The following HIBADH variants were observed in gnomAD, a reference collection of about 807,000 sequenced individuals.
HIBADH encodes 3-hydroxyisobutyrate dehydrogenase, also known as 3-hydroxyisobutyrate dehydrogenase, mitochondrial.
Under a neutral mutation model 36.1 loss-of-function variants are expected in HIBADH, and 25 were observed. The ratio of observed to expected loss-of-function variants is 0.69; its 90% CI spans 0.50 to 0.97. The LOEUF (loss-of-function observed/expected upper bound fraction) is 0.97, where lower values mean the gene tolerates loss of function less well. Among genes scored for constraint, HIBADH ranks in the 50% least tolerant of loss-of-function variants. The pLI is 0.00. For missense variants in HIBADH, 421 were observed against 418.0 expected, an observed-to-expected ratio of 1.01 and a Z score of -0.06; for synonymous variants, 160 against 149.5, an observed-to-expected ratio of 1.07 and a Z score of -0.51.
intron 2 of HIBADH, among the ~76,000 whole-genome samples, chr7:27,638,884 A>C (rs569072518): frequency 1.3e-5 from 2 of 152,348 alleles, no homozygotes; most frequent in Non-Finnish European, 2.9e-5. Context: ...TCAAAACCAC[A>C]ATGAGATACA....
intron 4 of HIBADH, among the ~76,000 whole-genome samples, chr7:27,548,107 G>C (rs543230021): frequency 6.6e-6 from 1 of 151,452 alleles, no homozygotes; most frequent in East Asian, 1.9e-4. Context: ...CACTTCTCGT[G>C]GTAGTCTGTT....
chr7:27,554,277 C>A (rs994225805), intron 4 of HIBADH, among the ~76,000 whole-genome samples: 4 of 152,206 alleles, frequency 2.6e-5, no homozygotes, highest in Non-Finnish European at 4.4e-5. Context: ...CGAGCCACCG[C>A]GCCCAGCCAA....
At position 27,603,801 on chromosome 7, in the gene HIBADH, C is replaced by T. The variant is rs188613243; in HGVS notation, c.484+25570G>A. Among the ~76,000 whole-genome samples, 653 of 152,204 alleles carry T rather than the reference C, an allele frequency of 4.3e-3. 7 individuals are homozygous for T. In the South Asian group the frequency reaches 0.044, roughly 10 times the overall value. ...ATTAAAAATAAGATATGCAAAGACT[C>T]CCCAGTGTGTGCAAATGATACCAAT... On this transcript the variant is annotated intron_variant, in intron 4 of 7. Coordinates refer to ENST00000265395, the MANE Select transcript of HIBADH (RefSeq NM_152740.4).
At chr7:27,550,991 A>C (rs886457869) in intron 4 of HIBADH, among the ~76,000 whole-genome samples, 1 of 150,086 alleles carries the variant, frequency 6.7e-6, no homozygotes, top group Admixed American at 6.7e-5. Flanking sequence ...ACCACACCAC[A>C]CCAAACACAC....
intron 1 of HIBADH, among the ~76,000 whole-genome samples, chr7:27,658,019 T>A (rs1306727792): frequency 6.6e-6 from 1 of 152,172 alleles, no homozygotes; most frequent in Non-Finnish European, 1.5e-5. Context: ...CTGCCCCTTT[T>A]TGCCTAGTGG....
Position 27,620,432 on chromosome 7 carries a change from C to G in HIBADH, c.484+8939G>C, listed in dbSNP as rs564467968. Among the ~76,000 whole-genome samples the G allele has an allele frequency of 2.0e-4, 31 of 151,802 alleles. No individual in the cohort carries two copies. The South Asian group carries it at 3.5e-3, about 17-fold the overall frequency. On this transcript the variant is annotated intron_variant, in intron 4 of 7. Coordinates refer to ENST00000265395, the MANE Select transcript of HIBADH (RefSeq NM_152740.4). ...GATTTATCGGCAGAAACTTTATAGA[C>G]CAGAAGAGAATAGGATGATATATTC...
chr7:27,562,510 G>A (rs1295954477), intron 4 of HIBADH, among the ~76,000 whole-genome samples: 1 of 151,946 alleles, frequency 6.6e-6, no homozygotes, highest in African/African-American at 2.4e-5. Flanking sequence ...CTTTAAAATT[G>A]AGACAGGATC....
intron 4 of HIBADH, among the ~76,000 whole-genome samples, chr7:27,562,309 G>A (rs944620905): frequency 6.6e-6 from 1 of 152,072 alleles, no homozygotes; most frequent in Non-Finnish European, 1.5e-5. Flanking sequence ...ATCTTTCATA[G>A]AACAGAAGAC....
intron 2 of HIBADH, among the ~76,000 whole-genome samples, chr7:27,637,897 A>G (rs1270420969): frequency 6.6e-6 from 1 of 152,202 alleles, no homozygotes; most frequent in South Asian, 2.1e-4. Context: ...AAAGATCTCT[A>G]TAACAAGAAT....
intron 1 of HIBADH, among the ~76,000 whole-genome samples, chr7:27,658,785 A>C (rs1325760039): frequency 6.6e-6 from 1 of 152,186 alleles, no homozygotes; most frequent in Non-Finnish European, 1.5e-5. Flanking sequence ...ATCACATAAT[A>C]CATTTTTTAT....
intron 4 of HIBADH, among the ~76,000 whole-genome samples, chr7:27,544,779 C>T (rs558916697): frequency 4.6e-5 from 7 of 152,248 alleles, no homozygotes; most frequent in South Asian, 2.1e-4. Context: ...TAAATAGCTT[C>T]GGAGTCATTT....
chr7:27,616,106 C>A (rs921423450), intron 4 of HIBADH, among the ~76,000 whole-genome samples: 8 of 152,098 alleles, frequency 5.3e-5, no homozygotes, highest in Non-Finnish European at 1.2e-4. Flanking sequence ...CTTCCTCTCA[C>A]GGCAGAAAGT....
chr7:27,574,299 A>AT (rs70994662), intron 4 of HIBADH, among the ~76,000 whole-genome samples: 105,077 of 149,984 alleles, frequency 0.7, 36,860 homozygotes, highest in East Asian at 0.94. Flanking sequence ...ATAGCAGGTG[A>AT]TTTTTTTTTT....
chr7:27,563,123 G>A lies in HIBADH; in HGVS notation c.485-20023C>T, dbSNP rs576300334. On this transcript the variant is annotated intron_variant, in intron 4 of 7. Coordinates refer to ENST00000265395, the MANE Select transcript of HIBADH (RefSeq NM_152740.4). ...CCTACTATCTGTTGTTCATTCCCAC[G>A]GTTTTGCCTTTCCAGGATGTTATAT... 5.9e-5 allele frequency among the ~76,000 whole-genome samples: 9 copies of A among 152,074 alleles called. No individual in the cohort carries two copies. In the South Asian group the frequency reaches 6.2e-4, roughly 11 times the overall value.
intron 4 of HIBADH, among the ~76,000 whole-genome samples, chr7:27,605,774 A>G (rs1320844731): frequency 6.6e-6 from 1 of 152,028 alleles, no homozygotes; most frequent in Non-Finnish European, 1.5e-5. Flanking sequence ...TTGATATCAG[A>G]TGTAGTTTTC....
intron 4 of HIBADH, among the ~76,000 whole-genome samples, chr7:27,584,945 G>A (rs1784837229): frequency 6.6e-6 from 1 of 151,876 alleles, no homozygotes; most frequent in Non-Finnish European, 1.5e-5. Context: ...TCCATGGAGG[G>A]TACACTGAGA....
chr7:27,611,786 T>C lies in HIBADH; in HGVS notation c.484+17585A>G, dbSNP rs527751503. ...CTCTGAGTGAAACAACTGCTAAGTC[T>C]GGTGATACAAAGATAAATGTTCCAT... On this transcript the variant is annotated intron_variant, in intron 4 of 7. Transcript: ENST00000265395. 1.6e-4 allele frequency among the ~76,000 whole-genome samples: 25 copies of C among 152,338 alleles called. No homozygotes were observed. In the South Asian group the frequency reaches 5.0e-3, roughly 30 times the overall value.
chr7:27,618,691 T>C (rs1392852546), intron 4 of HIBADH, among the ~76,000 whole-genome samples: 1 of 54,530 alleles, frequency 1.8e-5, no homozygotes, highest in Non-Finnish European at 3.1e-5. Context: ...GTATTATAAA[T>C]AAAAGAAGTT....
At chr7:27,633,613 C>T (rs982679858) in intron 2 of HIBADH, among the ~76,000 whole-genome samples, 1 of 151,970 alleles carries the variant, frequency 6.6e-6, no homozygotes, top group Non-Finnish European at 1.5e-5. Flanking sequence ...GAGCTATGAT[C>T]GCGCCACCAT....
Sources: allele counts gnomAD v4.1 joint callset (sites outside exome capture counted in the v4.1 genomes callset), GRCh38; gene constraint gnomAD v4.1.1; transcripts MANE v1.5; gene names NCBI Gene and HGNC (gene_info 2026-07-23, HGNC 2026-07-21).